MECOM: variants seen among roughly 807,000 people sequenced by gnomAD.
MECOM encodes MDS1 and EVI1 complex locus, also known as histone-lysine N-methyltransferase MECOM.
In MECOM, 13 loss-of-function variants were observed where a neutral mutation model predicts 116.3. The observed-to-expected ratio is 0.11, with a 90% CI of 0.07 to 0.18. The LOEUF (loss-of-function observed/expected upper bound fraction) is 0.18. MECOM is among the 10% of genes least tolerant of loss of function. MECOM has a pLI of 1.00. For missense variants in MECOM, 1,299 were observed against 1,509.0 expected, an observed-to-expected ratio of 0.86 and a Z score of 2.31; for synonymous variants, 528 against 535.2, an observed-to-expected ratio of 0.99 and a Z score of 0.19.
chr3:169,185,734 A>G (rs2149407129), intron 2 of MECOM, among the ~76,000 whole-genome samples: 1 of 152,300 alleles, frequency 6.6e-6, no homozygotes, highest in South Asian at 2.1e-4. Flanking sequence ...AGATCATTCT[A>G]TCATAATTTA....
At chr3:169,534,801 AC>A (rs1307471070) in intron 1 of MECOM, among the ~76,000 whole-genome samples, 1 of 152,134 alleles carries the variant, frequency 6.6e-6, no homozygotes, top group East Asian at 1.9e-4. Flanking sequence ...AAAAGGCTAG[AC>A]CACTTGTACA....
intron 2 of MECOM, among the ~76,000 whole-genome samples, chr3:169,219,288 C>T (rs995320667): frequency 3.3e-5 from 5 of 152,094 alleles, no homozygotes; most frequent in East Asian, 1.9e-4. Context: ...GGGTGGATCA[C>T]GAGGTCAGGA....
intron 1 of MECOM, among the ~76,000 whole-genome samples, chr3:169,573,137 C>A (rs1159416362): frequency 6.6e-6 from 1 of 152,192 alleles, no homozygotes; most frequent in Non-Finnish European, 1.5e-5. Flanking sequence ...CCAGGCTTCT[C>A]CCCCTCACCC....
chr3:169,366,285 A>G (rs955051788), intron 2 of MECOM, among the ~76,000 whole-genome samples: 1 of 151,894 alleles, frequency 6.6e-6, no homozygotes, highest in African/African-American at 2.4e-5. Context: ...CAATCACGTG[A>G]GCAGAAATTT....
intron 2 of MECOM, among the ~76,000 whole-genome samples, chr3:169,148,269 C>T (rs1444605124): frequency 6.6e-6 from 1 of 152,098 alleles, no homozygotes; most frequent in Non-Finnish European, 1.5e-5. Flanking sequence ...CCAAAACGTG[C>T]AATAAGCAAT....
At chr3:169,167,293 C>A (rs190585816) in intron 2 of MECOM, among the ~76,000 whole-genome samples, 40 of 152,290 alleles carry the variant, frequency 2.6e-4, no homozygotes, top group African/African-American at 8.9e-4. Flanking sequence ...TGCATATTCA[C>A]CCCCTGTGCC....
intron 2 of MECOM, among the ~76,000 whole-genome samples, chr3:169,378,271 T>C (rs941641109): frequency 2.0e-5 from 3 of 149,486 alleles, no homozygotes; most frequent in African/African-American, 7.5e-5. Context: ...TGTATATCTA[T>C]GTAACAAACC....
intron 2 of MECOM, among the ~76,000 whole-genome samples, chr3:169,215,468 G>T (rs1253880506): frequency 6.6e-6 from 1 of 152,054 alleles, no homozygotes; most frequent in Non-Finnish European, 1.5e-5. Context: ...CTTACTCACT[G>T]GGAACAATTG....
intron 1 of MECOM, among the ~76,000 whole-genome samples, chr3:169,382,511 G>T (rs1732571728): frequency 1.3e-5 from 2 of 151,466 alleles, no homozygotes; most frequent in African/African-American, 4.9e-5. Context: ...GGGATTTTAT[G>T]AAACCAATCA....
At chr3:169,299,081 A>G (rs1359618340) in intron 2 of MECOM, among the ~76,000 whole-genome samples, 1 of 152,166 alleles carries the variant, frequency 6.6e-6, no homozygotes, top group East Asian at 1.9e-4. Context: ...AGACAGTTAA[A>G]GGGAAAATTG....
At chr3:169,210,484 T>A (rs1429543562) in intron 2 of MECOM, among the ~76,000 whole-genome samples, 1 of 152,144 alleles carries the variant, frequency 6.6e-6, no homozygotes, top group Non-Finnish European at 1.5e-5. Flanking sequence ...AGTAATTGAG[T>A]GACATTTTCA....
chr3:169,390,571 TA>T (rs953218118), intron 1 of MECOM, among the ~76,000 whole-genome samples: 13 of 151,374 alleles, frequency 8.6e-5, no homozygotes, highest in South Asian at 4.2e-4. Context: ...TTACTTCCTT[TA>T]AAAAAAAAGT....
In MECOM at chr3:169,248,771, G is replaced by C. The variant is rs145176065; in HGVS notation, c.376-104939C>G. Among the ~76,000 whole-genome samples, 251 of 152,280 alleles carry C rather than the reference G, an allele frequency of 1.6e-3. 1 individual carries two copies. The highest frequency in any genetic ancestry group is 5.7e-3 in the African/African-American group (235 of 41,572). ...ACAAAGAGACACCAGAGGCATGCAT[G>C]CTCAGAGGAAAGATCATGTAAGTAG... is the stretch of plus-strand genomic sequence containing the variant. On this transcript the variant is annotated intron_variant, in intron 2 of 16. Transcript: ENST00000651503.
intron 5 of MECOM, among the ~76,000 whole-genome samples, chr3:169,125,219 C>T (rs1732431475): frequency 6.6e-6 from 1 of 151,946 alleles, no homozygotes; most frequent in African/African-American, 2.4e-5. Context: ...GATATGTAAT[C>T]CTCTGTTTGT....
intron 2 of MECOM, among the ~76,000 whole-genome samples, chr3:169,266,229 C>A (rs2149634501): frequency 6.6e-6 from 1 of 152,170 alleles, no homozygotes; most frequent in African/African-American, 2.4e-5. Flanking sequence ...ATCTCATGAC[C>A]AATGAGATAT....
chr3:169,472,588 G>A lies in MECOM; in HGVS notation c.38-91064C>T, dbSNP rs1335743776. Among the ~76,000 whole-genome samples, 80 of 60,650 alleles carry A rather than the reference G, an allele frequency of 1.3e-3. 1 individual carries two copies. Among genetic ancestry groups the A allele is most frequent in the African/African-American group, 6.5e-3 (55 of 8,452 alleles). The allele number at this position is 60,650 out of a possible 152,430, so 39.8% of individuals were successfully genotyped here. A position where few individuals can be genotyped will look rare whatever the true frequency, so the allele number is the denominator to read the frequency against. On this transcript the variant is annotated intron_variant, in intron 1 of 16. Transcript: ENST00000651503. ...GAGAGGAGAGGAGAGGAGAGGAAAGGAAAGGAAAGGAAAGGAAAGGAAAGG... is the reference window on the plus strand; with the variant it reads ...GAGAGGAGAGGAGAGGAGAGGAAAGAAAAGGAAAGGAAAGGAAAGGAAAGG...
At chr3:169,121,005 T>G in intron 7 of MECOM, 51 bp downstream of exon 7, 2 of 1,545,690 alleles carry the variant, frequency 1.3e-6, no homozygotes, top group Non-Finnish European at 1.8e-6. Flanking sequence ...CACAGTGCCT[T>G]TTGGGGAAGA....
intron 1 of MECOM, among the ~76,000 whole-genome samples, chr3:169,449,859 G>A (rs1475846221): frequency 6.6e-6 from 1 of 152,134 alleles, no homozygotes; most frequent in Non-Finnish European, 1.5e-5. Flanking sequence ...TTACAAAGCA[G>A]GTGTAAACTT....
chr3:169,378,669 T>C (rs1237112603), intron 2 of MECOM, among the ~76,000 whole-genome samples: 2 of 151,606 alleles, frequency 1.3e-5, no homozygotes, highest in African/African-American at 4.8e-5. Context: ...TGTGTCAAAA[T>C]GACACATTTT....
Sources: allele counts gnomAD v4.1 joint callset (sites outside exome capture counted in the v4.1 genomes callset), GRCh38; gene constraint gnomAD v4.1.1; transcripts MANE v1.5; gene names NCBI Gene and HGNC (gene_info 2026-07-23, HGNC 2026-07-21).